The following TRPV4 variants were observed in gnomAD, a reference collection of about 807,000 sequenced individuals.
The protein encoded by TRPV4 is transient receptor potential cation channel subfamily V member 4, also known as OSM9-like transient receptor potential channel 4.
A neutral mutation model predicts 84.1 loss-of-function variants in TRPV4; 58 were observed. That is an observed-to-expected ratio of 0.69 (90% confidence interval 0.56 to 0.86). TRPV4 has a LOEUF of 0.86. Ranked by LOEUF, TRPV4 falls within the 40% of genes least tolerant of loss-of-function variation. The pLI is 0.00. For missense variants in TRPV4, 879 were observed against 1,181.1 expected, an observed-to-expected ratio of 0.74 and a Z score of 3.75; for synonymous variants, 489 against 500.9, an observed-to-expected ratio of 0.98 and a Z score of 0.32.
At chr12:109,812,567 C>T (rs1891585995) in intron 2 of TRPV4, among the ~76,000 whole-genome samples, 1 of 151,856 alleles carries the variant, frequency 6.6e-6, no homozygotes, top group African/African-American at 2.4e-5. Context: ...GAGTCAGTGA[C>T]TAAGCAAACA....
At position 109,786,331 on chromosome 12, in the gene TRPV4, T is replaced by C. The variant is rs114828827; in HGVS notation, c.2336+379A>G. Among the ~76,000 whole-genome samples, 3,693 of 152,218 alleles carry C rather than the reference T, an allele frequency of 0.024. 79 individuals carry two copies. Among genetic ancestry groups the C allele is most frequent in the African/African-American group, 0.06 (2,475 of 41,520 alleles). The stretch of plus-strand genomic sequence containing the variant: ...CACTAGAGCTCACCCCACTGTTTGG[T>C]AGATACAGGGTGATGCTCTAAAATG... On this transcript the variant is annotated intron_variant, in intron 14 of 15. Transcript: ENST00000261740. This position sits in a 1 kb window ranked among gnomAD's most constrained non-coding sequence, Gnocchi z 4.5.
chr12:109,820,162 G>A (rs902411506), intron 1 of TRPV4, among the ~76,000 whole-genome samples: 2 of 152,122 alleles, frequency 1.3e-5, no homozygotes, highest in East Asian at 3.9e-4. Context: ...CAGACCTTCT[G>A]GTGGGGAAAC....
Position 109,786,776 on chromosome 12 carries a change from C to CG in TRPV4, c.2269dup (p.Arg757ProfsTer17), listed in dbSNP as rs1889712844. The CG allele has an allele frequency of 6.2e-7, 1 of 1,613,938 alleles. No individual in the cohort carries two copies. Among genetic ancestry groups the CG allele is most frequent in the South Asian group, 1.1e-5 (1 of 91,084 alleles). On this transcript the variant is annotated frameshift_variant, in exon 14 of 16. Coordinates refer to ENST00000261740, the MANE Select transcript of TRPV4 (RefSeq NM_021625.5). LOFTEE classifies it high-confidence loss of function. This position sits in a 1 kb window ranked among gnomAD's most constrained non-coding sequence, Gnocchi z 4.5. ...GCCCACGGTGACCATCTCCCCAGAG[C>CG]GGAAGGCCTTCCTCAGGAATACGGG...
At position 109,788,614 on chromosome 12, in the gene TRPV4, G is replaced by T. The variant is rs1889845518; in HGVS notation, c.1994C>A (p.Thr665Asn). 6.2e-7 allele frequency: 1 copy of T among 1,614,262 alleles called. No homozygotes were observed. The highest frequency in any genetic ancestry group is 8.5e-7 in the Non-Finnish European group (1 of 1,180,052). Reference sequence around the variant, plus strand: ...CAGGTCCAGGAGGAAGGTGCTGAAGGTCTCGCTGTCACGGCACGAGGGGTA... The same window carrying T: ...CAGGTCCAGGAGGAAGGTGCTGAAGTTCTCGCTGTCACGGCACGAGGGGTA... Reference protein sequence around the residue: ...PTYPSCRDSETFSTFLLDLFK... With the variant: ...PTYPSCRDSENFSTFLLDLFK... The change falls in exon 13 of 16, where the codon ACC becomes AAC. Residue 665 changes from threonine (T) to asparagine (N), a missense_variant. Physicochemically the swap from Thr to Asn is moderately conservative, Grantham distance 65 (BLOSUM62 0). Around this residue, in one of 4 missense-constraint regions of TRPV4, gnomAD observed 242 missense variants for 355.3 expected, o/e 0.68. Coordinates refer to ENST00000261740, the MANE Select transcript of TRPV4 (RefSeq NM_021625.5).
At chr12:109,805,966 C>G (rs1891092588) in intron 3 of TRPV4, among the ~76,000 whole-genome samples, 1 of 152,204 alleles carries the variant, frequency 6.6e-6, no homozygotes, top group Admixed American at 6.5e-5. Flanking sequence ...TTCGCTCTAC[C>G]CCAAGATTCC....
At chr12:109,819,947 T>C (rs1028520103) in intron 1 of TRPV4, among the ~76,000 whole-genome samples, 2 of 152,202 alleles carry the variant, frequency 1.3e-5, no homozygotes, top group African/African-American at 2.4e-5. Context: ...AGAATATATA[T>C]ACTGAATGGT....
chr12:109,814,889 C>A lies in TRPV4; in HGVS notation c.-31-62G>T. ...GCCAGGGGCGGGGGCTCCAGGAAGC[C>A]CCCTCCCACGTGGACAAGCAGCAGT... On this transcript the variant is annotated intron_variant, in intron 1 of 15. Coordinates refer to ENST00000261740, the MANE Select transcript of TRPV4 (RefSeq NM_021625.5). This position sits in a 1 kb window ranked among gnomAD's most constrained non-coding sequence, Gnocchi z 5.4. The A allele has an allele frequency of 6.8e-7, 1 of 1,475,132 alleles. No homozygotes were observed. Among genetic ancestry groups the A allele is most frequent in the African/African-American group, 1.4e-5 (1 of 71,660 alleles). The allele number at this position is 1,475,132 out of a possible 1,614,324, so 91.4% of individuals were successfully genotyped here.
rs114874026 is a variant in TRPV4 at position 109,798,661 on chromosome 12, C to T, written c.1105G>A (p.Asp369Asn). 1.1e-5 allele frequency: 17 copies of T among 1,613,342 alleles called. No homozygotes were observed. The East Asian group carries it at 1.3e-4, about 13-fold the overall frequency. ...GCCATCATGAGGGGCGAGAGGCCGT[C>T]GTTGTTGAGCACGGCCTCCAGGTTG... Reference protein sequence around the residue: ...DSNLEAVLNNDGLSPLMMAAK... With the variant: ...DSNLEAVLNNNGLSPLMMAAK... Residue 369 changes from aspartate to asparagine, a missense_variant, in exon 6 of 16, where the codon GAC becomes AAC. Physicochemically the swap from Asp to Asn is conservative, Grantham distance 23 (BLOSUM62 1). This residue lies in a region of TRPV4 where 521 missense variants were observed against 686.6 expected (regional missense o/e 0.76). Coordinates refer to ENST00000261740, the MANE Select transcript of TRPV4 (RefSeq NM_021625.5). The surrounding 1 kb of genome is among the most constrained non-coding windows in gnomAD (Gnocchi z 5.0).
chr12:109,788,367 G>A (rs150463359), intron 13 of TRPV4, 33 bp downstream of exon 13: 82 of 1,600,018 alleles, frequency 5.1e-5, no homozygotes, highest in Non-Finnish European at 6.6e-5. Context: ...GAGGGTGGCT[G>A]GTAGAGTGGG....
At chr12:109,797,133 A>G (rs931802674) in intron 6 of TRPV4, among the ~76,000 whole-genome samples, 1 of 152,094 alleles carries the variant, frequency 6.6e-6, no homozygotes, top group African/African-American at 2.4e-5. Context: ...GAATTGCCCA[A>G]GGTCAGGCAA....
At chr12:109,809,589 CCCATCCAT>C (rs371105952) in intron 2 of TRPV4, among the ~76,000 whole-genome samples, 14 of 149,686 alleles carry the variant, frequency 9.4e-5, no homozygotes, top group African/African-American at 3.4e-4. Context: ...CATCCACTCA[CCCATCCAT>C]CCATCCATCC....
intron 2 of TRPV4, among the ~76,000 whole-genome samples, chr12:109,809,339 CCCAGCATCCACCCAT>C (rs1891367703): frequency 6.8e-6 from 1 of 147,170 alleles, no homozygotes; most frequent in Non-Finnish European, 1.5e-5. Flanking sequence ...CATCCACCCA[CCCAGCATCCACCCAT>C]CCACCTACCC....
At chr12:109,799,854 A>G (rs1316279879) in intron 5 of TRPV4, among the ~76,000 whole-genome samples, 6 of 151,786 alleles carry the variant, frequency 4.0e-5, no homozygotes, top group Non-Finnish European at 8.8e-5. Flanking sequence ...TCGAACTCCT[A>G]GGTTCAAGTG....
chr12:109,793,130 A>G lies in TRPV4; in HGVS notation c.1659-313T>C, dbSNP rs149783170. 1.2e-4 allele frequency among the ~76,000 whole-genome samples: 19 copies of G among 152,270 alleles called. No homozygotes were observed. In the East Asian group the frequency reaches 3.5e-3, roughly 28 times the overall value. On this transcript the variant is annotated intron_variant, in intron 10 of 15. Coordinates refer to ENST00000261740, the MANE Select transcript of TRPV4 (RefSeq NM_021625.5). The surrounding 1 kb of genome is among the most constrained non-coding windows in gnomAD (Gnocchi z 4.0). Reference sequence around the variant, plus strand: ...TGAATTTCATCATTCTCCAACTCTAAGGGAAATGTGAAAGAGGTAACACAC... The same window carrying G: ...TGAATTTCATCATTCTCCAACTCTAGGGGAAATGTGAAAGAGGTAACACAC...
intron 10 of TRPV4, 44 bp from the exon 11 acceptor site, chr12:109,792,861 G>A: frequency 6.2e-7 from 1 of 1,605,494 alleles, no homozygotes; most frequent in Non-Finnish European, 8.5e-7. Context: ...AGGGGAGAGG[G>A]GACAATGAGG....
At chr12:109,830,458 A>T (rs1892380559) in intron 1 of TRPV4, among the ~76,000 whole-genome samples, 1 of 152,260 alleles carries the variant, frequency 6.6e-6, no homozygotes, top group Non-Finnish European at 1.5e-5. Context: ...AGGGTTGGCT[A>T]AAGCCAGACA....
intron 12 of TRPV4, among the ~76,000 whole-genome samples, chr12:109,790,162 A>G (rs1889940614): frequency 6.6e-6 from 1 of 152,130 alleles, no homozygotes; most frequent in African/African-American, 2.4e-5. Context: ...CTACAATTCC[A>G]CTTCCCACCA....
intron 1 of TRPV4, among the ~76,000 whole-genome samples, chr12:109,829,037 T>TA (rs1565890288): frequency 6.6e-6 from 1 of 152,062 alleles, no homozygotes; most frequent in East Asian, 1.9e-4. Context: ...CCTTTTTTTT[T>TA]AATAAGCTGG....
At chr12:109,830,114 C>T (rs111622933) in intron 1 of TRPV4, among the ~76,000 whole-genome samples, 347 of 152,310 alleles carry the variant, frequency 2.3e-3, no homozygotes, top group Non-Finnish European at 3.5e-3. Context: ...CTGCACCCGG[C>T]CAACTCAGGT....
Sources: gnomAD v4.1 joint callset for allele counts (sites outside exome capture counted in the v4.1 genomes callset) on GRCh38, gnomAD v4.1.1 for gene constraint, gnomAD v4.1.1 regional missense constraint, Gnocchi (gnomAD v3.1) non-coding constraint, MANE v1.5 for transcripts, NCBI Gene and HGNC (gene_info 2026-07-23, HGNC 2026-07-21) for gene names.